The following CYP2J2 variants were observed in gnomAD, a reference collection of about 807,000 sequenced individuals.
CYP2J2 encodes cytochrome P450 family 2 subfamily J member 2, also known as cytochrome P450 2J2.
Under a neutral mutation model 48.8 loss-of-function variants are expected in CYP2J2, and 41 were observed. The observed-to-expected ratio is 0.84, with a 90% CI of 0.66 to 1.09. CYP2J2 has a LOEUF of 1.09. CYP2J2 is among the 50% of genes least tolerant of loss of function. The pLI, the probability that CYP2J2 is intolerant of heterozygous loss-of-function variation, is 0.00. For missense variants in CYP2J2, 644 were observed against 617.3 expected, an observed-to-expected ratio of 1.04 and a Z score of -0.46; for synonymous variants, 221 against 227.1, an observed-to-expected ratio of 0.97 and a Z score of 0.24.
chr1:59,901,754 C>T (rs140114037), intron 7 of CYP2J2, among the ~76,000 whole-genome samples: 1 of 152,168 alleles, frequency 6.6e-6, no homozygotes, highest in Non-Finnish European at 1.5e-5. Context: ...TCCATGTCCA[C>T]CAATGCTCAC....
chr1:59,937,461 G>A, the CYP2J2 span, among the ~76,000 whole-genome samples: 7 of 152,004 alleles, frequency 4.6e-5, no homozygotes, highest in Admixed American at 6.6e-5. Flanking sequence ...ATTTAAGGGA[G>A]TAATTAGTGT....
At chr1:59,911,844 T>C (rs997755626) in intron 3 of CYP2J2, 76 bp from the exon 4 acceptor site, 2 of 1,452,464 alleles carry the variant, frequency 1.4e-6, no homozygotes, top group Non-Finnish European at 1.9e-6. Flanking sequence ...CTACTTTACA[T>C]GGCATAAGAC....
intron 8 of CYP2J2, among the ~76,000 whole-genome samples, chr1:59,898,004 G>A (rs1644284490): frequency 6.6e-6 from 1 of 152,082 alleles, no homozygotes; most frequent in Non-Finnish European, 1.5e-5. Context: ...CATTTAAATG[G>A]TCCTCATCCT....
At chr1:59,905,770 C>T (rs1406601420) in intron 6 of CYP2J2, among the ~76,000 whole-genome samples, 1 of 152,184 alleles carries the variant, frequency 6.6e-6, no homozygotes, top group African/African-American at 2.4e-5. Flanking sequence ...ATTTGTGTGA[C>T]CAGATAGGAC....
chr1:59,943,344 A>G, the CYP2J2 span, among the ~76,000 whole-genome samples: 1 of 152,170 alleles, frequency 6.6e-6, no homozygotes, highest in Non-Finnish European at 1.5e-5. Flanking sequence ...GAGAGAGGAA[A>G]CCTTTCATAA....
chr1:59,899,757 A>G (rs1400864526), intron 8 of CYP2J2, among the ~76,000 whole-genome samples: 2 of 152,208 alleles, frequency 1.3e-5, no homozygotes, highest in Non-Finnish European at 2.9e-5. Flanking sequence ...ATAGTAATAT[A>G]AACTTTATAT....
At chr1:59,916,374 C>A (rs553695179) in intron 1 of CYP2J2, among the ~76,000 whole-genome samples, 1 of 152,182 alleles carries the variant, frequency 6.6e-6, no homozygotes, top group Non-Finnish European at 1.5e-5. Flanking sequence ...ATTCAACCAA[C>A]ATGAACTGAG....
chr1:59,911,562 C>T (rs141039465), intron 4 of CYP2J2, 46 bp downstream of exon 4: 262 of 1,377,350 alleles, frequency 1.9e-4, no homozygotes, highest in Middle Eastern at 3.9e-4. Context: ...TGGCTGACAT[C>T]GGCCCCAATT....
intron 7 of CYP2J2, among the ~76,000 whole-genome samples, chr1:59,902,139 G>T (rs1644325705): frequency 6.6e-6 from 1 of 152,016 alleles, no homozygotes; most frequent in African/African-American, 2.4e-5. Context: ...TCCCCACTTT[G>T]TCATCAAGCT....
chr1:59,965,854 G>A, the CYP2J2 span, among the ~76,000 whole-genome samples: 2 of 152,080 alleles, frequency 1.3e-5, no homozygotes, highest in African/African-American at 4.8e-5. Context: ...GCTTCGTCAT[G>A]TTGGTCAGGT....
At chr1:59,933,055 G>A in the CYP2J2 span, among the ~76,000 whole-genome samples, 19 of 152,248 alleles carry the variant, frequency 1.2e-4, no homozygotes, top group Non-Finnish European at 2.5e-4. Flanking sequence ...TTATTGATAA[G>A]TGAAATGAAT....
chr1:59,895,190 G>T (rs1644258354), intron 8 of CYP2J2, among the ~76,000 whole-genome samples: 1 of 152,220 alleles, frequency 6.6e-6, no homozygotes, highest in South Asian at 2.1e-4. Context: ...TCCTTCATTA[G>T]AAAAGGGTCC....
chr1:59,935,039 TATATATATATATAC>T, the CYP2J2 span, among the ~76,000 whole-genome samples: 6 of 100,416 alleles, frequency 6.0e-5, no homozygotes, highest in African/African-American at 2.3e-4. Context: ...TATATATATA[TATATATATATATAC>T]ACAACAGAAT....
chr1:59,938,291 C>T, the CYP2J2 span, among the ~76,000 whole-genome samples: 11 of 152,252 alleles, frequency 7.2e-5, no homozygotes, highest in East Asian at 7.7e-4. Flanking sequence ...GCTCAGCATG[C>T]GGAGGACCTG....
At chr1:59,903,704 G>T (rs1289419720) in intron 7 of CYP2J2, among the ~76,000 whole-genome samples, 1 of 152,198 alleles carries the variant, frequency 6.6e-6, no homozygotes, top group Non-Finnish European at 1.5e-5. Flanking sequence ...TTCCACTTGT[G>T]AGTACAGGGA....
At chr1:59,908,168 C>T (rs1644381296) in intron 5 of CYP2J2, among the ~76,000 whole-genome samples, 1 of 152,104 alleles carries the variant, frequency 6.6e-6, no homozygotes, top group South Asian at 2.1e-4. Context: ...TTTCTTATGC[C>T]TATAATTTTG....
chr1:59,927,647 A>G (rs1022198921), upstream of CYP2J2, among the ~76,000 whole-genome samples: 4 of 152,166 alleles, frequency 2.6e-5, no homozygotes, highest in African/African-American at 9.7e-5. Context: ...AGTTCAGCTC[A>G]CTGCAACCTC....
the CYP2J2 span, among the ~76,000 whole-genome samples, chr1:59,961,391 A>G: frequency 5.9e-5 from 9 of 152,336 alleles, no homozygotes; most frequent in Admixed American, 1.3e-4. Flanking sequence ...ATCATTAGTC[A>G]TTAGGAAAAT....
the CYP2J2 span, among the ~76,000 whole-genome samples, chr1:59,960,293 G>T: frequency 6.6e-6 from 1 of 152,208 alleles, no homozygotes; most frequent in Non-Finnish European, 1.5e-5. Flanking sequence ...AATGGAATAA[G>T]ACCAATGCTA....
Sources: gnomAD v4.1 joint callset for allele counts (sites outside exome capture counted in the v4.1 genomes callset) on GRCh38, gnomAD v4.1.1 for gene constraint, MANE v1.5 for transcripts, NCBI Gene and HGNC (gene_info 2026-07-23, HGNC 2026-07-21) for gene names.